Variants in PRDM7 observed in about 807,000 individuals in gnomAD.
PRDM7 encodes the protein PR/SET domain 7, also known as histone-lysine N-methyltransferase PRDM7.
PRDM7 carries 52 observed loss-of-function variants against 64.3 expected under a neutral mutation model. The ratio of observed to expected loss-of-function variants is 0.81; its 90% CI spans 0.65 to 1.02. The LOEUF (loss-of-function observed/expected upper bound fraction) is 1.02. Among genes scored for constraint, PRDM7 ranks in the 50% least tolerant of loss-of-function variants. PRDM7 has a pLI of 0.00. For synonymous variants in PRDM7, 192 were observed against 210.1 expected, an observed-to-expected ratio of 0.91 and a Z score of 0.74; for missense variants, 574 against 597.1, an observed-to-expected ratio of 0.96 and a Z score of 0.40.
intron 4 of PRDM7, among the ~76,000 whole-genome samples, chr16:90,073,996 G>C (rs1427134670): frequency 1.3e-5 from 2 of 151,676 alleles, no homozygotes; most frequent in Non-Finnish European, 2.9e-5. Flanking sequence ...ATGTTGGCTA[G>C]GCTTGTCTCA....
At position 90,060,457 on chromosome 16, in the gene PRDM7, G is replaced by A. The variant is rs3743815; in HGVS notation, c.1117C>T (p.Pro373Ser). 1.3e-4 allele frequency: 206 copies of A among 1,613,514 alleles called. 1 individual carries two copies. The East Asian group carries it at 3.9e-3, about 31-fold the overall frequency. ...ACAGCCTGGCCTAATGACTCGGCAG[G>A]TTCTATAGAAGATCTGATGCCCAGT... ...QELGIRSSIEPAESLGQAVNC... is the reference protein window; with the variant it reads ...QELGIRSSIESAESLGQAVNC... Residue 373 changes from proline (P) to serine (S), a missense_variant, in exon 10 of 11, where the codon CCT (proline) becomes TCT (serine). Transcript: ENST00000449207.
chr16:90,072,371 AT>A lies in PRDM7; in HGVS notation c.301+2544del, dbSNP rs58662210. 4.9e-3 allele frequency among the ~76,000 whole-genome samples: 744 copies of A among 152,386 alleles called. 6 individuals are homozygous for A. The highest frequency in any genetic ancestry group is 0.017 in the African/African-American group (714 of 41,596). ...TGAATGGATTTTCAAAATGTGGTAT[AT>A]ACATGCAGTAGAATATTATTCAGCC... On this transcript the variant is annotated intron_variant, in intron 4 of 10. Coordinates refer to ENST00000449207, the MANE Select transcript of PRDM7 (RefSeq NM_001098173.2).
In PRDM7 at chr16:90,058,163, G is replaced by C; in HGVS notation, c.*126C>G. 1 of 1,614,146 alleles carries C rather than the reference G, an allele frequency of 6.2e-7. No individual in the cohort carries two copies. Among genetic ancestry groups the C allele is most frequent in the Non-Finnish European group, 8.5e-7 (1 of 1,180,020 alleles). ...ACAAATAATTTGCCTGTGTTCCCTGGATTCACTTTCTGGCCTGTTCTGGAC... is the reference window on the plus strand; with the variant it reads ...ACAAATAATTTGCCTGTGTTCCCTGCATTCACTTTCTGGCCTGTTCTGGAC... On this transcript the variant is annotated 3_prime_UTR_variant, in exon 11 of 11. Transcript: ENST00000449207.
At chr16:90,065,228 C>CA (rs1407851670) in intron 5 of PRDM7, among the ~76,000 whole-genome samples, 1 of 146,942 alleles carries the variant, frequency 6.8e-6, no homozygotes, top group Non-Finnish European at 1.5e-5. Context: ...CCTGTCTCTA[C>CA]AAAAAATACA....
At position 90,075,502 on chromosome 16, in the gene PRDM7, G is replaced by T; in HGVS notation, c.70-28C>A. 1 of 1,614,150 alleles carries T rather than the reference G, an allele frequency of 6.2e-7. No homozygotes were observed. Among genetic ancestry groups the T allele is most frequent in the Middle Eastern group, 1.6e-4 (1 of 6,062 alleles). ...AGAGGAAGTAACAGATTCCATCAGT[G>T]ATTTACTAATACACATCGAGCTGGT... On this transcript the variant is annotated intron_variant, in intron 2 of 10. Transcript: ENST00000449207. This position sits in a 1 kb window ranked among gnomAD's most constrained non-coding sequence, Gnocchi z 4.3.
Position 90,058,031 on chromosome 16 carries a change from T to C in PRDM7, c.*258A>G, listed in dbSNP as rs1241455478. On this transcript the variant is annotated 3_prime_UTR_variant, in exon 11 of 11. Transcript: ENST00000449207. ...CCACACTCTCTGCAGACGTAGGGCT[T>C]CCCCCCTGTGTGTGTCCTTTGGTGT... 2.5e-6 allele frequency: 4 copies of C among 1,610,772 alleles called. No individual in the cohort carries two copies. In the African/African-American group the frequency reaches 5.3e-5, roughly 22 times the overall value.
chr16:90,076,102 T>C (rs2038033133), intron 1 of PRDM7, 107 bp from the exon 2 acceptor site: 8 of 670,820 alleles, frequency 1.2e-5, no homozygotes, highest in East Asian at 2.8e-5. Flanking sequence ...GAAGACTGGG[T>C]TCCTGGTGAG....
At position 90,057,938 on chromosome 16, in the gene PRDM7, A is replaced by G; in HGVS notation, c.*351T>C. 2 of 1,590,022 alleles carry G rather than the reference A, an allele frequency of 1.3e-6. No individual in the cohort carries two copies. The highest frequency in any genetic ancestry group is 8.6e-7 in the Non-Finnish European group (1 of 1,163,802). On this transcript the variant is annotated 3_prime_UTR_variant, in exon 11 of 11. Transcript: ENST00000449207. ...AAAGCCCCGCTCACACTCTCTGCAG[A>G]CATAAGGCTTCTCCCCTGTGTGTGT...
chr16:90,061,712 G>A (rs1409428824), intron 8 of PRDM7, among the ~76,000 whole-genome samples, 193 bp from the exon 9 acceptor site: 1 of 152,190 alleles, frequency 6.6e-6, no homozygotes, highest in Admixed American at 6.5e-5. Flanking sequence ...CCAAAAGGGA[G>A]GATGCACTTC....
chr16:90,064,704 G>T (rs908491209), intron 5 of PRDM7, among the ~76,000 whole-genome samples: 2 of 148,266 alleles, frequency 1.3e-5, no homozygotes, highest in Non-Finnish European at 3.0e-5. Flanking sequence ...AAGAGCCCCC[G>T]CACCCAGCCC....
At chr16:90,072,585 G>A (rs1446433380) in intron 4 of PRDM7, among the ~76,000 whole-genome samples, 1 of 152,182 alleles carries the variant, frequency 6.6e-6, no homozygotes, top group African/African-American at 2.4e-5. Flanking sequence ...GAGGGAGGAA[G>A]AAATGGAGTG....
intron 10 of PRDM7, 149 bp from the exon 11 acceptor site, chr16:90,058,683 C>A: frequency 1.1e-6 from 1 of 922,196 alleles, no homozygotes; most frequent in South Asian, 1.5e-5. Flanking sequence ...CCTTTACAGT[C>A]CATTTTTCCA....
In PRDM7 at chr16:90,062,170, G is replaced by T. The variant is rs758009732; in HGVS notation, c.633C>A (p.Phe211Leu). The change falls in exon 8 of 11, where the codon TTC becomes TTA. Residue 211 changes from phenylalanine to leucine, a missense_variant. Coordinates refer to ENST00000449207, the MANE Select transcript of PRDM7 (RefSeq NM_001098173.2). ...CATGAGCAGCACAGCTGTCAATGAA[G>T]AAGTTCTGACACATCTCACAATCTG... The part of the protein sequence containing the change: ...DYLYCEMCQN[F>L]FIDSCAAHGP... 7 of 1,614,150 alleles carry T rather than the reference G, an allele frequency of 4.3e-6. No individual in the cohort carries two copies. The East Asian group carries it at 1.6e-4, about 36-fold the overall frequency.
In PRDM7 at chr16:90,058,527, C is replaced by G; in HGVS notation, c.1241G>C (p.Ser414Thr). 6.2e-7 allele frequency: 1 copy of G among 1,614,128 alleles called. No individual in the cohort carries two copies. Among genetic ancestry groups the G allele is most frequent in the Non-Finnish European group, 8.5e-7 (1 of 1,180,036 alleles). Reference protein sequence around the residue: ...RKSSWQGENQSQRSIHVPHAV... With the variant: ...RKSSWQGENQTQRSIHVPHAV... ...ATGAGGGACATGGATGGATCTCTGG[C>G]TTTGGTTCTGAAAGAGGAAGTTTTT... is the stretch of plus-strand genomic sequence containing the variant. Residue 414 changes from serine to threonine, a missense_variant, in exon 11 of 11, where the codon AGC becomes ACC. Coordinates refer to ENST00000449207, the MANE Select transcript of PRDM7 (RefSeq NM_001098173.2).
chr16:90,070,487 G>C (rs770958912), intron 4 of PRDM7, among the ~76,000 whole-genome samples: 2 of 151,116 alleles, frequency 1.3e-5, no homozygotes, highest in African/African-American at 4.9e-5. Context: ...GGGGGGCTGA[G>C]GCAGGAGAAT....
Position 90,060,339 on chromosome 16 carries a change from A to G in PRDM7, c.1233+2T>C. 1 of 1,613,820 alleles carries G rather than the reference A, an allele frequency of 6.2e-7. No homozygotes were observed. The highest frequency in any genetic ancestry group is 8.5e-7 in the Non-Finnish European group (1 of 1,179,822). On this transcript the variant is annotated splice_donor_variant, in intron 10 of 10. Transcript: ENST00000449207. LOFTEE classifies it high-confidence loss of function. ...TTTTAAAAGAGTAATAGTGATGCCT[A>G]CCTCTCCCTGCCATGAGCTCTTTCT...
Position 90,060,328 on chromosome 16 carries a change from T to C in PRDM7, c.1233+13A>G. 7.4e-6 allele frequency: 12 copies of C among 1,613,936 alleles called. No homozygotes were observed. The highest frequency in any genetic ancestry group is 1.0e-5 in the Non-Finnish European group (12 of 1,179,822). ...CTTTCCTGTCCTTTTAAAAGAGTAATAGTGATGCCTACCTCTCCCTGCCAT... is the reference window on the plus strand; with the variant it reads ...CTTTCCTGTCCTTTTAAAAGAGTAACAGTGATGCCTACCTCTCCCTGCCAT... On this transcript the variant is annotated intron_variant, in intron 10 of 10. Transcript: ENST00000449207.
chr16:90,069,120 C>G (rs2037921376), intron 4 of PRDM7, among the ~76,000 whole-genome samples: 1 of 151,220 alleles, frequency 6.6e-6, no homozygotes, highest in Non-Finnish European at 1.5e-5. Context: ...TATTACAAAG[C>G]TACAGTAATC....
intron 10 of PRDM7, among the ~76,000 whole-genome samples, chr16:90,059,800 G>A (rs1423421508): frequency 6.6e-6 from 1 of 152,122 alleles, no homozygotes. Flanking sequence ...AGCACTAATC[G>A]CCGTCTGATA....
Sources: allele counts gnomAD v4.1 joint callset (sites outside exome capture counted in the v4.1 genomes callset), GRCh38; gene constraint gnomAD v4.1.1; non-coding constraint Gnocchi (gnomAD v3.1); transcripts MANE v1.5; gene names NCBI Gene and HGNC (gene_info 2026-07-23, HGNC 2026-07-21).